Variants in FOSL2 observed in about 807,000 individuals in gnomAD.
The protein encoded by FOSL2 is fos-related antigen 2.
FOSL2 carries 3 observed loss-of-function variants against 27.7 expected under a neutral mutation model. That is an observed-to-expected ratio of 0.11 (90% CI 0.05 to 0.28). The LOEUF (loss-of-function observed/expected upper bound fraction) is 0.28. Ranked by LOEUF, FOSL2 falls within the 10% of genes least tolerant of loss-of-function variation. The probability of loss-of-function intolerance (pLI) is 1.00; values close to 1 mark genes in which losing one functional copy is unlikely to be tolerated. For missense variants in FOSL2, 333 were observed against 445.1 expected (o/e 0.75, Z 2.27); for synonymous variants, 179 against 190.1 (o/e 0.94, Z 0.48).
rs374254871 is a variant in FOSL2, at chr2:28,401,782, C to T, written c.103-2325C>T. On this transcript the variant is annotated intron_variant, in intron 1 of 3. Coordinates refer to ENST00000264716, the MANE Select transcript of FOSL2 (RefSeq NM_005253.4). ...CACACACCTGCTGCTTTTCAGTCAGCGCCTGATAAAAAGCCCACTTTTCTT... is the reference window on the plus strand; with the variant it reads ...CACACACCTGCTGCTTTTCAGTCAGTGCCTGATAAAAAGCCCACTTTTCTT... 1.5e-4 allele frequency among the ~76,000 whole-genome samples: 23 copies of T among 152,206 alleles called. 1 individual carries two copies. In the East Asian group the frequency reaches 2.5e-3, roughly 17 times the overall value.
chr2:28,403,543 G>A (rs932287405), intron 1 of FOSL2, among the ~76,000 whole-genome samples: 8 of 152,296 alleles, frequency 5.3e-5, no homozygotes, highest in East Asian at 1.9e-4. Context: ...ATCTTTTCAC[G>A]GACCTGGCTG....
chr2:28,412,729 C>T lies in FOSL2; in HGVS notation c.*281C>T. ...CTCGGTTTGGTAGACTTGGACATCT[C>T]TCTGGCTTCTGAAGAGCCTGAAGCT... is the stretch of plus-strand genomic sequence containing the variant. On this transcript the variant is annotated 3_prime_UTR_variant, in exon 4 of 4. Coordinates refer to ENST00000264716, the MANE Select transcript of FOSL2 (RefSeq NM_005253.4). The surrounding 1 kb of genome is among the most constrained non-coding windows in gnomAD (Gnocchi z 7.1). 3 of 450,008 alleles carry T rather than the reference C, an allele frequency of 6.7e-6. No homozygotes were observed. Among genetic ancestry groups the T allele is most frequent in the Non-Finnish European group, 1.2e-5 (3 of 246,270 alleles). The allele number at this position is 450,008 out of a possible 1,614,324, so 27.9% of individuals were successfully genotyped here. A position where few individuals can be genotyped will look rare whatever the true frequency, so the allele number is the denominator to read the frequency against.
At chr2:28,405,513 G>A (rs563776320) in intron 2 of FOSL2, among the ~76,000 whole-genome samples, 10 of 152,298 alleles carry the variant, frequency 6.6e-5, no homozygotes, top group Non-Finnish European at 1.0e-4. Context: ...GTGATCCCCA[G>A]GGCCACAATG....
intron 1 of FOSL2, among the ~76,000 whole-genome samples, chr2:28,395,335 C>T (rs1663793907): frequency 2.0e-5 from 3 of 152,256 alleles, no homozygotes; most frequent in African/African-American, 4.8e-5. Flanking sequence ...TCCCTGAAAT[C>T]AGGAAGGGAT....
intron 1 of FOSL2, among the ~76,000 whole-genome samples, chr2:28,400,522 G>C (rs1354458556): frequency 6.6e-6 from 1 of 152,158 alleles, no homozygotes; most frequent in Admixed American, 6.5e-5. Context: ...GTGTCTCCAA[G>C]AGAAGCTCCT....
chr2:28,415,738 C>T lies in FOSL2; in HGVS notation c.*3290C>T. On this transcript the variant is annotated 3_prime_UTR_variant, in exon 4 of 4. Coordinates refer to ENST00000264716, the MANE Select transcript of FOSL2 (RefSeq NM_005253.4). Reference sequence around the variant, plus strand: ...TGTGTTAGGCGCTTTTATATAGATCCTCGTTAGGATGAGACTAAGGGATGA... The same window carrying T: ...TGTGTTAGGCGCTTTTATATAGATCTTCGTTAGGATGAGACTAAGGGATGA... 1 of 152,294 alleles carries T rather than the reference C, an allele frequency of 6.6e-6. No individual in the cohort carries two copies. The allele number at this position is 152,294 out of a possible 1,614,324, so 9.4% of individuals were successfully genotyped here. A position where few individuals can be genotyped will look rare whatever the true frequency, so the allele number is the denominator to read the frequency against.
rs1304942935 is a variant in FOSL2 at position 28,393,403 on chromosome 2, G to C, written c.-318G>C. ...TCCCCGCTGAGCTCCGGCTGCGCGC[G>C]GGGGCGGGAGGGCGCGCGCAGGGGA... On this transcript the variant is annotated 5_prime_UTR_variant, in exon 1 of 4. Transcript: ENST00000264716. This position sits in a 1 kb window ranked among gnomAD's most constrained non-coding sequence, Gnocchi z 4.6. The C allele has an allele frequency of 3.1e-6, 1 of 325,732 alleles. No individual in the cohort carries two copies. The highest frequency in any genetic ancestry group is 2.2e-5 in the African/African-American group (1 of 45,264). The allele number at this position is 325,732 out of a possible 1,614,324, so 20.2% of individuals were successfully genotyped here.
chr2:28,402,045 T>G (rs1042915185), intron 1 of FOSL2, among the ~76,000 whole-genome samples: 3 of 152,142 alleles, frequency 2.0e-5, no homozygotes, highest in Admixed American at 6.5e-5. Flanking sequence ...CTGGGTAACT[T>G]TCCTCCAGAA....
At chr2:28,395,223 G>A (rs1663789349) in intron 1 of FOSL2, among the ~76,000 whole-genome samples, 1 of 152,196 alleles carries the variant, frequency 6.6e-6, no homozygotes. Flanking sequence ...CCCCGCTAGT[G>A]GTTTGTGTTG....
At chr2:28,400,200 C>T (rs1392038196) in intron 1 of FOSL2, among the ~76,000 whole-genome samples, 1 of 152,196 alleles carries the variant, frequency 6.6e-6, no homozygotes, top group African/African-American at 2.4e-5. Context: ...ACTCCCAGCA[C>T]ACTCCTGGCA....
intron 1 of FOSL2, among the ~76,000 whole-genome samples, chr2:28,399,781 G>A (rs142585396): frequency 0.017 from 2,607 of 152,250 alleles, 55 homozygotes; most frequent in African/African-American, 0.059. Flanking sequence ...TCTGGGACAG[G>A]GGTTGGCAAA....
chr2:28,396,998 A>G (rs1663858955), intron 1 of FOSL2: 1 of 152,086 alleles, frequency 6.6e-6, no homozygotes, highest in Admixed American at 6.5e-5. Context: ...TTGGGAATGT[A>G]TTTTTCCAGT....
Sources: allele counts gnomAD v4.1 joint callset (sites outside exome capture counted in the v4.1 genomes callset), GRCh38; gene constraint gnomAD v4.1.1; non-coding constraint Gnocchi (gnomAD v3.1); transcripts MANE v1.5; gene names NCBI Gene and HGNC (gene_info 2026-07-23, HGNC 2026-07-21).